The following AJAP1 variants were observed in gnomAD, a reference collection of about 807,000 sequenced individuals.
The protein encoded by AJAP1 is adherens junctions associated protein 1.
Under a neutral mutation model 35.0 loss-of-function variants are expected in AJAP1, and 5 were observed. The ratio of observed to expected loss-of-function variants is 0.14; its 90% CI spans 0.07 to 0.30. The LOEUF (loss-of-function observed/expected upper bound fraction) is 0.30. AJAP1 is among the 10% of genes least tolerant of loss of function. The pLI is 1.00. For missense variants in AJAP1, 586 were observed against 571.0 expected (o/e 1.03, Z -0.27); for synonymous variants, 284 against 249.3 (o/e 1.14, Z -1.31).
chr1:4,655,790 C>T lies in AJAP1; in HGVS notation c.29+336C>T, dbSNP rs1638866431. ...CTGGCCGGCTGCCCCGGCGCGCCTC[C>T]TCCCCGGGGCCCGGGGCGAGGCGCC... On this transcript the variant is annotated intron_variant, in intron 1 of 5. Transcript: ENST00000378191. The surrounding 1 kb of genome is among the most constrained non-coding windows in gnomAD (Gnocchi z 6.9). Among the ~76,000 whole-genome samples the T allele has an allele frequency of 6.7e-6, 1 of 148,526 alleles. No homozygotes were observed. The highest frequency in any genetic ancestry group is 1.5e-5 in the Non-Finnish European group (1 of 66,770).
intron 2 of AJAP1, among the ~76,000 whole-genome samples, chr1:4,740,887 C>T (rs555063177): frequency 6.6e-6 from 1 of 151,876 alleles, no homozygotes; most frequent in African/African-American, 2.4e-5. Flanking sequence ...AAGGATCTGC[C>T]AGAATAAGCT....
chr1:4,698,650 T>G (rs1639919664), intron 1 of AJAP1, among the ~76,000 whole-genome samples: 1 of 152,168 alleles, frequency 6.6e-6, no homozygotes, highest in Non-Finnish European at 1.5e-5. Flanking sequence ...TCATCCTTCC[T>G]CGGTGTGACC....
intron 1 of AJAP1, among the ~76,000 whole-genome samples, chr1:4,708,378 A>G (rs1157079191): frequency 6.6e-6 from 1 of 152,098 alleles, no homozygotes; most frequent in African/African-American, 2.4e-5. Flanking sequence ...GTCGGCAGCC[A>G]TGCCACAGGG....
chr1:4,767,480 CTTCACCATTACCATCATT>C (rs1641710060), intron 2 of AJAP1, among the ~76,000 whole-genome samples: 1 of 151,636 alleles, frequency 6.6e-6, no homozygotes, highest in South Asian at 2.1e-4. Flanking sequence ...TTATCACCAT[CTTCACCATTACCATCATT>C]ATCACCATCA....
intron 2 of AJAP1, among the ~76,000 whole-genome samples, chr1:4,713,848 G>T (rs535087606): frequency 2.6e-5 from 4 of 152,366 alleles, no homozygotes; most frequent in Admixed American, 1.3e-4. Context: ...CCTCCAGCTT[G>T]TGGGCTCGGT....
chr1:4,685,085 G>A (rs967046044), intron 1 of AJAP1, among the ~76,000 whole-genome samples: 1 of 152,150 alleles, frequency 6.6e-6, no homozygotes, highest in African/African-American at 2.4e-5. Flanking sequence ...TCATGGCCCC[G>A]AACCCCCTCT....
At chr1:4,735,176 G>A (rs562734520) in intron 2 of AJAP1, among the ~76,000 whole-genome samples, 1 of 152,378 alleles carries the variant, frequency 6.6e-6, no homozygotes, top group African/African-American at 2.4e-5. Flanking sequence ...AGCACGCAAG[G>A]CATGGTGGGA....
intron 1 of AJAP1, among the ~76,000 whole-genome samples, chr1:4,673,873 G>A (rs58313685): frequency 6.6e-6 from 1 of 151,796 alleles, no homozygotes; most frequent in Admixed American, 6.6e-5. Flanking sequence ...AGCCAGGAGC[G>A]AGAAGTCAGG....
chr1:4,715,044 AG>A, intron 2 of AJAP1, among the ~76,000 whole-genome samples: 1 of 152,244 alleles, frequency 6.6e-6, no homozygotes, highest in East Asian at 1.9e-4. Context: ...GGGATGGGGC[AG>A]GGGGAGGAAA....
In AJAP1 at chr1:4,787,662, G is replaced by A. The variant is rs1334924258; in HGVS notation, c.*5177G>A. 8 of 456,044 alleles carry A rather than the reference G, an allele frequency of 1.8e-5. No individual in the cohort carries two copies. Among genetic ancestry groups the A allele is most frequent in the Admixed American group, 4.7e-5 (2 of 42,544 alleles). The allele number at this position is 456,044 out of a possible 1,614,324, so 28.2% of individuals were successfully genotyped here. ...GGTGATGAGCTTGCCCCATCCCTGG[G>A]CACTGGCTCTGCCCAGCCCCTCCCA... is the stretch of plus-strand genomic sequence containing the variant. On this transcript the variant is annotated 3_prime_UTR_variant, in exon 6 of 6. Coordinates refer to ENST00000378191, the MANE Select transcript of AJAP1 (RefSeq NM_018836.4).
rs193021210 is a variant in AJAP1 at position 4,741,075 on chromosome 1, G to A, written c.829+28376G>A. Among the ~76,000 whole-genome samples, 33 of 152,196 alleles carry A rather than the reference G, an allele frequency of 2.2e-4. No individual in the cohort carries two copies. The East Asian group carries it at 6.0e-3, about 28-fold the overall frequency. On this transcript the variant is annotated intron_variant, in intron 2 of 5. Coordinates refer to ENST00000378191, the MANE Select transcript of AJAP1 (RefSeq NM_018836.4). ...CCACTCAAGGAGGACATGAGAGCAG[G>A]GAGGGGCTGGCAGGGCTGGGAGGTC...
At position 4,787,499 on chromosome 1, in the gene AJAP1, G is replaced by A. The variant is rs1025835951; in HGVS notation, c.*5014G>A. ...GAAGAAGGCCTTAGTCTTAGCTCTT[G>A]GATAAAATGCAGTGCAGCACTGAAG... On this transcript the variant is annotated 3_prime_UTR_variant, in exon 6 of 6. Coordinates refer to ENST00000378191, the MANE Select transcript of AJAP1 (RefSeq NM_018836.4). 3 of 328,922 alleles carry A rather than the reference G, an allele frequency of 9.1e-6. No homozygotes were observed. Among genetic ancestry groups the A allele is most frequent in the African/African-American group, 6.6e-5 (3 of 45,524 alleles). The allele number at this position is 328,922 out of a possible 1,614,324, so 20.4% of individuals were successfully genotyped here. A position where few individuals can be genotyped will look rare whatever the true frequency, so the allele number is the denominator to read the frequency against.
chr1:4,694,867 A>T (rs182465985), intron 1 of AJAP1, among the ~76,000 whole-genome samples: 1 of 152,294 alleles, frequency 6.6e-6, no homozygotes, highest in African/African-American at 2.4e-5. Flanking sequence ...AAGGGAGGTC[A>T]TGGTCAGGTT....
intron 2 of AJAP1, among the ~76,000 whole-genome samples, chr1:4,768,329 C>T (rs1557646852): frequency 6.6e-6 from 1 of 151,944 alleles, no homozygotes; most frequent in African/African-American, 2.4e-5. Context: ...TTGCCGGATG[C>T]TGTTATTCTG....
intron 1 of AJAP1, among the ~76,000 whole-genome samples, chr1:4,657,425 AAGG>A (rs1260889728): frequency 6.6e-6 from 1 of 152,068 alleles, no homozygotes; most frequent in African/African-American, 2.4e-5. Flanking sequence ...CTGGCCAGAG[AAGG>A]AGGCCTGTAC....
chr1:4,777,379 A>C (rs1641960105), intron 5 of AJAP1: 1 of 152,188 alleles, frequency 6.6e-6, no homozygotes, highest in Non-Finnish European at 1.5e-5. Flanking sequence ...ACCCAAAGTC[A>C]GCCAAGTTCG....
chr1:4,715,767 C>T (rs1274217657), intron 2 of AJAP1, among the ~76,000 whole-genome samples: 4 of 152,204 alleles, frequency 2.6e-5, no homozygotes, highest in South Asian at 2.1e-4. Flanking sequence ...AGGCACCTGG[C>T]GCTGAACAAT....
chr1:4,719,834 C>G (rs1219746344), intron 2 of AJAP1, among the ~76,000 whole-genome samples: 1 of 152,186 alleles, frequency 6.6e-6, no homozygotes, highest in Non-Finnish European at 1.5e-5. Flanking sequence ...GCGCCCCTTC[C>G]CTCCCTGCCG....
intron 1 of AJAP1, among the ~76,000 whole-genome samples, chr1:4,682,160 G>A (rs1222657485): frequency 1.3e-5 from 2 of 152,214 alleles, no homozygotes; most frequent in Non-Finnish European, 2.9e-5. Context: ...CAACTTCAGA[G>A]CTGGTAAACT....
Sources: allele counts gnomAD v4.1 joint callset (sites outside exome capture counted in the v4.1 genomes callset), GRCh38; gene constraint gnomAD v4.1.1; non-coding constraint Gnocchi (gnomAD v3.1); transcripts MANE v1.5; gene names NCBI Gene and HGNC (gene_info 2026-07-23, HGNC 2026-07-21).